The following RABEP1 variants were observed in gnomAD, a reference collection of about 807,000 sequenced individuals.
RABEP1 encodes the protein rabaptin, RAB GTPase binding effector protein 1, also known as rab GTPase-binding effector protein 1.
In RABEP1, 51 loss-of-function variants were observed where a neutral mutation model predicts 123.4. The ratio of observed to expected loss-of-function variants is 0.41; its 90% CI spans 0.33 to 0.52. The LOEUF (loss-of-function observed/expected upper bound fraction) is 0.52, where lower values mean the gene tolerates loss of function less well. Among genes scored for constraint, RABEP1 ranks in the 20% least tolerant of loss-of-function variants. The probability of loss-of-function intolerance (pLI) is 0.16; values close to 1 mark genes in which losing one functional copy is unlikely to be tolerated. For synonymous variants in RABEP1, 347 were observed against 355.2 expected (o/e 0.98, Z 0.26); for missense variants, 888 against 996.3 (o/e 0.89, Z 1.46).
At chr17:5,372,270 C>T (rs1305798102) in intron 12 of RABEP1, among the ~76,000 whole-genome samples, 1 of 151,952 alleles carries the variant, frequency 6.6e-6, no homozygotes, top group Non-Finnish European at 1.5e-5. Context: ...TAGTGAAACC[C>T]TGCCTCTACT....
intron 1 of RABEP1, among the ~76,000 whole-genome samples, chr17:5,307,429 A>T (rs1359245842): frequency 3.3e-5 from 5 of 152,178 alleles, no homozygotes; most frequent in Admixed American, 6.5e-5. Context: ...CTCTCAATTA[A>T]ATTGAGTGAT....
intron 3 of RABEP1, among the ~76,000 whole-genome samples, chr17:5,332,596 AT>A (rs553120401): frequency 1.2e-3 from 125 of 105,882 alleles, no homozygotes; most frequent in South Asian, 2.0e-3. Context: ...ACGTTTTAGA[AT>A]TTTTTTTTTT....
chr17:5,328,272 T>C (rs1186337589), intron 2 of RABEP1, among the ~76,000 whole-genome samples: 1 of 152,096 alleles, frequency 6.6e-6, no homozygotes, highest in Non-Finnish European at 1.5e-5. Context: ...AAATGATGGA[T>C]CTAGGTGATA....
chr17:5,317,743 C>A (rs1317735326), intron 2 of RABEP1, among the ~76,000 whole-genome samples: 2 of 152,062 alleles, frequency 1.3e-5, no homozygotes, highest in Non-Finnish European at 2.9e-5. Context: ...TGGCTGGCAG[C>A]CCCTAGGTAA....
intron 11 of RABEP1, among the ~76,000 whole-genome samples, chr17:5,366,945 C>T (rs936805902): frequency 1.3e-4 from 20 of 151,396 alleles, no homozygotes; most frequent in South Asian, 2.1e-4. Flanking sequence ...CAAAATTAGC[C>T]GAGTGTTTCG....
intron 1 of RABEP1, among the ~76,000 whole-genome samples, chr17:5,287,819 G>A (rs1359232712): frequency 6.6e-6 from 1 of 151,978 alleles, no homozygotes; most frequent in Non-Finnish European, 1.5e-5. Context: ...GGCTGAGGTG[G>A]GAGGATCACC....
intron 8 of RABEP1, among the ~76,000 whole-genome samples, chr17:5,359,065 A>G (rs947081013): frequency 6.8e-6 from 1 of 148,002 alleles, no homozygotes; most frequent in East Asian, 2.0e-4. Context: ...CCAGGCCTGT[A>G]GTCTGATGTT....
rs1434615988 is a variant in RABEP1, at chr17:5,354,366, A to G, written c.971A>G (p.Asp324Gly). 1 of 1,609,378 alleles carries G rather than the reference A, an allele frequency of 6.2e-7. No individual in the cohort carries two copies. Among genetic ancestry groups the G allele is most frequent in the African/African-American group, 1.3e-5 (1 of 74,656 alleles). Reference sequence around the variant, plus strand: ...TTTTTTTCTTCCTTTTAGGAGGATGATGAACAACAAAGACTCAATAAGAGA... The same window carrying G: ...TTTTTTTCTTCCTTTTAGGAGGATGGTGAACAACAAAGACTCAATAAGAGA... ...EELKKKDQEDDEQQRLNKRKD... is the reference protein window; with the variant it reads ...EELKKKDQEDGEQQRLNKRKD... Residue 324 changes from aspartate to glycine, a missense_variant, in exon 8 of 18, where the codon GAT becomes GGT. Asp to Gly is a moderately conservative substitution (Grantham distance 94). Transcript: ENST00000537505.
intron 5 of RABEP1, among the ~76,000 whole-genome samples, chr17:5,338,645 A>G (rs1171377065): frequency 6.6e-6 from 1 of 152,156 alleles, no homozygotes; most frequent in African/African-American, 2.4e-5. Flanking sequence ...AAATAATCAC[A>G]ATAATGATGT....
chr17:5,306,626 T>TA (rs1597338529), intron 1 of RABEP1, among the ~76,000 whole-genome samples: 1 of 111,044 alleles, frequency 9.0e-6, no homozygotes, highest in East Asian at 3.7e-4. Flanking sequence ...AGACTCTGTC[T>TA]GAAAAAAAAA....
At chr17:5,377,077 C>T in intron 13 of RABEP1, 39 bp from the exon 14 acceptor site, 7 of 1,535,042 alleles carry the variant, frequency 4.6e-6, no homozygotes, top group Non-Finnish European at 6.1e-6. Flanking sequence ...TTTCCTTTCA[C>T]TCTCACAAAC....
rs530458846 is a variant in RABEP1, at chr17:5,383,352, A to C, written c.*129A>C. The stretch of plus-strand genomic sequence containing the variant: ...CAAAAGGAAGACTGGAGAAATGCTT[A>C]CTTCTAGAGGGAGAAGACTGTGCGG... On this transcript the variant is annotated 3_prime_UTR_variant, in exon 18 of 18. Transcript: ENST00000537505. 2.6e-6 allele frequency: 2 copies of C among 759,542 alleles called. No homozygotes were observed. The highest frequency in any genetic ancestry group is 4.6e-5 in the Admixed American group (2 of 43,738). 47.1% of individuals were successfully genotyped at this position (759,542 alleles called of 1,614,324 possible). A position where few individuals can be genotyped will look rare whatever the true frequency, so the allele number is the denominator to read the frequency against.
At chr17:5,368,974 G>GTCC (rs1230373221) in intron 12 of RABEP1, among the ~76,000 whole-genome samples, 1 of 152,094 alleles carries the variant, frequency 6.6e-6, no homozygotes, top group Non-Finnish European at 1.5e-5. Flanking sequence ...CGGGCGTGGT[G>GTCC]GTGTGCACCT....
intron 1 of RABEP1, chr17:5,283,913 CTG>C (rs2074952762): frequency 6.6e-6 from 1 of 152,144 alleles, no homozygotes; most frequent in African/African-American, 2.4e-5. Flanking sequence ...TTTTGGTGGG[CTG>C]TCAGAGAGAG....
intron 2 of RABEP1, among the ~76,000 whole-genome samples, chr17:5,324,466 T>G (rs377752534): frequency 1.7e-4 from 26 of 152,192 alleles, no homozygotes; most frequent in African/African-American, 6.0e-4. Flanking sequence ...ATCTAAGACC[T>G]GAAACTATGA....
chr17:5,368,976 T>C (rs1257256699), intron 12 of RABEP1, among the ~76,000 whole-genome samples: 1 of 152,034 alleles, frequency 6.6e-6, no homozygotes, highest in African/African-American at 2.4e-5. Flanking sequence ...GGCGTGGTGG[T>C]GTGCACCTGC....
intron 2 of RABEP1, among the ~76,000 whole-genome samples, chr17:5,313,275 T>C (rs2075263109): frequency 6.6e-6 from 1 of 152,142 alleles, no homozygotes; most frequent in Admixed American, 6.5e-5. Flanking sequence ...ATATAAAAGG[T>C]TGTGGTAGTA....
intron 6 of RABEP1, among the ~76,000 whole-genome samples, chr17:5,347,195 A>G (rs1277032473): frequency 6.6e-6 from 1 of 152,152 alleles, no homozygotes; most frequent in African/African-American, 2.4e-5. Context: ...AGATCACCTA[A>G]GGTCAGGAGT....
chr17:5,333,249 G>C (rs1906737452), intron 3 of RABEP1, among the ~76,000 whole-genome samples: 1 of 152,004 alleles, frequency 6.6e-6, no homozygotes, highest in Non-Finnish European at 1.5e-5. Flanking sequence ...TGCAACCTCC[G>C]CCTTCCAGGT....
Sources: gnomAD v4.1 joint callset for allele counts (sites outside exome capture counted in the v4.1 genomes callset) on GRCh38, gnomAD v4.1.1 for gene constraint, MANE v1.5 for transcripts, NCBI Gene and HGNC (gene_info 2026-07-23, HGNC 2026-07-21) for gene names.